DOCK4: variants seen among roughly 807,000 people sequenced by gnomAD.
The protein encoded by DOCK4 is dedicator of cytokinesis 4.
A neutral mutation model predicts 268.1 loss-of-function variants in DOCK4; 97 were observed. That is an observed-to-expected ratio of 0.36 (90% CI 0.31 to 0.43). The LOEUF is 0.43. Ranked by LOEUF, DOCK4 falls within the 20% of genes least tolerant of loss-of-function variation. The pLI, the probability that DOCK4 is intolerant of heterozygous loss-of-function variation, is 1.00. For synonymous variants in DOCK4, 954 were observed against 887.2 expected (o/e 1.08, Z -1.34); for missense variants, 2,145 against 2,455.7 (o/e 0.87, Z 2.67).
chr7:112,012,679 C>T (rs1446211304), intron 1 of DOCK4, among the ~76,000 whole-genome samples: 1 of 151,982 alleles, frequency 6.6e-6, no homozygotes, highest in African/African-American at 2.4e-5. Context: ...TGAAAAAAAA[C>T]CTCCTTTTTC....
chr7:111,746,074 T>C (rs1796246208), intron 44 of DOCK4, among the ~76,000 whole-genome samples: 6 of 152,152 alleles, frequency 3.9e-5, no homozygotes, highest in Admixed American at 3.9e-4. Flanking sequence ...TCTGAAACAC[T>C]TATGGTCCCA....
intron 8 of DOCK4, among the ~76,000 whole-genome samples, chr7:111,950,594 A>G (rs1795979701): frequency 6.6e-6 from 1 of 152,224 alleles, no homozygotes; most frequent in African/African-American, 2.4e-5. Context: ...ACCAAATACA[A>G]TCTTTTAGGA....
chr7:112,075,510 C>A (rs1217601997), intron 1 of DOCK4, among the ~76,000 whole-genome samples: 3 of 152,124 alleles, frequency 2.0e-5, no homozygotes, highest in African/African-American at 4.8e-5. Context: ...TGAAAAGTTA[C>A]ATAACTTAGC....
chr7:112,100,034 T>C (rs1389795637), intron 1 of DOCK4, among the ~76,000 whole-genome samples: 3 of 152,212 alleles, frequency 2.0e-5, no homozygotes, highest in African/African-American at 7.2e-5. Flanking sequence ...CCTTTATTTT[T>C]AGACCCCATG....
chr7:112,205,895 G>C (rs1459273010), intron 1 of DOCK4, among the ~76,000 whole-genome samples: 1 of 152,148 alleles, frequency 6.6e-6, no homozygotes, highest in Non-Finnish European at 1.5e-5. Flanking sequence ...GAACCAGTGC[G>C]GGGCGCGCCG....
chr7:112,124,858 C>T (rs767962404), intron 1 of DOCK4, among the ~76,000 whole-genome samples: 2 of 152,192 alleles, frequency 1.3e-5, no homozygotes, highest in Non-Finnish European at 2.9e-5. Context: ...ACCTTCCTAA[C>T]AATAACCTGC....
chr7:111,794,758 G>A (rs1799775426), intron 30 of DOCK4, among the ~76,000 whole-genome samples: 1 of 152,170 alleles, frequency 6.6e-6, no homozygotes, highest in Non-Finnish European at 1.5e-5. Flanking sequence ...CTAAAATCCT[G>A]GGAAGTTAGG....
chr7:111,805,542 G>A (rs1800610280), intron 30 of DOCK4, among the ~76,000 whole-genome samples: 1 of 152,158 alleles, frequency 6.6e-6, no homozygotes, highest in Non-Finnish European at 1.5e-5. Flanking sequence ...AGCAGTTCTA[G>A]GTCTCATAGG....
At position 111,848,790 on chromosome 7, in the gene DOCK4, C is replaced by T. The variant is rs75797110; in HGVS notation, c.2474-1664G>A. Among the ~76,000 whole-genome samples, 1,479 of 152,238 alleles carry T rather than the reference C, an allele frequency of 9.7e-3. 24 individuals are homozygous for T. The highest frequency in any genetic ancestry group is 0.034 in the African/African-American group (1,401 of 41,544). ...AAAGCTGAACCAAAAGGAAAAACCC[C>T]CCTCTCCCAAAGTCTGAGTAACAAG... On this transcript the variant is annotated intron_variant, in intron 23 of 52. Transcript: ENST00000428084.
intron 6 of DOCK4, 65 bp downstream of exon 6, chr7:111,988,950 T>C (rs997116946): frequency 1.7e-4 from 269 of 1,540,828 alleles, no homozygotes; most frequent in Non-Finnish European, 2.0e-4. Context: ...ACGTTCTGGC[T>C]CAGGCCTATG....
At chr7:112,045,454 A>T (rs2135527214) in intron 1 of DOCK4, among the ~76,000 whole-genome samples, 1 of 152,326 alleles carries the variant, frequency 6.6e-6, no homozygotes, top group South Asian at 2.1e-4. Flanking sequence ...GAGACTAGGG[A>T]ATTATTCACT....
chr7:112,156,869 T>C (rs1013425549), intron 1 of DOCK4, among the ~76,000 whole-genome samples: 1 of 152,178 alleles, frequency 6.6e-6, no homozygotes, highest in South Asian at 2.1e-4. Context: ...ACAAATTAAT[T>C]CAATAAAATA....
At chr7:111,849,632 A>G (rs77854076) in intron 23 of DOCK4, among the ~76,000 whole-genome samples, 3,659 of 152,212 alleles carry the variant, frequency 0.024, 159 homozygotes, top group African/African-American at 0.083. Context: ...CTTCACAAGT[A>G]AGGCACCAAA....
At chr7:112,178,608 C>T (rs116006438) in intron 1 of DOCK4, among the ~76,000 whole-genome samples, 2,582 of 152,248 alleles carry the variant, frequency 0.017, 70 homozygotes, top group African/African-American at 0.058. Flanking sequence ...ACCAGTCAGA[C>T]ACCAACATAA....
rs62475993 is a variant in DOCK4, at chr7:112,153,625, A to G, written c.37+52477T>C. ...GTTTCTCCATCATGTATATTTCTTC[A>G]TGAGCTAAGCCATATTATGGGTTAA... is the stretch of plus-strand genomic sequence containing the variant. On this transcript the variant is annotated intron_variant, in intron 1 of 52. Transcript: ENST00000428084. 7.8e-3 allele frequency among the ~76,000 whole-genome samples: 1,186 copies of G among 152,314 alleles called. 7 individuals carry two copies. The highest frequency in any genetic ancestry group is 0.014 in the Middle Eastern group (4 of 294).
At chr7:111,993,474 T>C (rs173860) in intron 5 of DOCK4, among the ~76,000 whole-genome samples, 107,617 of 152,032 alleles carry the variant, frequency 0.71, 39,013 homozygotes, top group East Asian at 0.87. Flanking sequence ...TTACTTGATG[T>C]GGGGTGAGTA....
At chr7:112,124,835 C>A (rs76060826) in intron 1 of DOCK4, among the ~76,000 whole-genome samples, 1 of 152,134 alleles carries the variant, frequency 6.6e-6, no homozygotes, top group Non-Finnish European at 1.5e-5. Flanking sequence ...ATATATAATT[C>A]GTTTTTTTAA....
intron 1 of DOCK4, among the ~76,000 whole-genome samples, chr7:112,081,226 G>A (rs1808554480): frequency 6.6e-6 from 1 of 152,138 alleles, no homozygotes; most frequent in South Asian, 2.1e-4. Flanking sequence ...AGGAAGTAGT[G>A]AGGTTTGGAG....
intron 1 of DOCK4, among the ~76,000 whole-genome samples, chr7:112,143,816 T>C (rs7786289): frequency 0.5 from 76,749 of 152,044 alleles, 19,783 homozygotes; most frequent in African/African-American, 0.61. Context: ...AACCACATCA[T>C]TCATCTCCTC....
Sources: gnomAD v4.1 joint callset for allele counts (sites outside exome capture counted in the v4.1 genomes callset) on GRCh38, gnomAD v4.1.1 for gene constraint, MANE v1.5 for transcripts, NCBI Gene and HGNC (gene_info 2026-07-23, HGNC 2026-07-21) for gene names.